MPP1: variants seen among roughly 807,000 people sequenced by gnomAD.
MPP1 encodes 55 kDa erythrocyte membrane protein.
A neutral mutation model predicts 38.2 loss-of-function variants in MPP1; 6 were observed. The observed-to-expected ratio is 0.16, with a 90% CI of 0.09 to 0.31. The LOEUF (loss-of-function observed/expected upper bound fraction) is 0.31. MPP1 is among the 10% of genes least tolerant of loss of function. The pLI is 1.00. For synonymous variants in MPP1, 153 were observed against 146.3 expected (o/e 1.05, Z -0.33); for missense variants, 293 against 368.9 (o/e 0.79, Z 1.69).
intron 1 of MPP1, among the ~76,000 whole-genome samples, chrX:154,798,810 C>T (rs2072228858): frequency 9.0e-6 from 1 of 111,593 alleles, no homozygotes; most frequent in Non-Finnish European, 1.9e-5. Context: ...TCTCGGCTCA[C>T]CACAACTTCC....
At chrX:154,802,223 G>A (rs782316409) in intron 1 of MPP1, among the ~76,000 whole-genome samples, 5 of 112,467 alleles carry the variant, frequency 4.4e-5, no homozygotes, top group African/African-American at 1.6e-4. Context: ...GCTCCACAGC[G>A]CTCCACAGCT....
chrX:154,803,866 T>C (rs868967286), intron 1 of MPP1, among the ~76,000 whole-genome samples: 2 of 112,499 alleles, frequency 1.8e-5, no homozygotes, highest in Non-Finnish European at 1.9e-5. Flanking sequence ...TTTTTAAAAA[T>C]AGTTGAGGCT....
chrX:154,803,825 A>T (rs1253313234), intron 1 of MPP1, among the ~76,000 whole-genome samples: 1 of 112,571 alleles, frequency 8.9e-6, no homozygotes, highest in East Asian at 2.8e-4. Flanking sequence ...TGCTAAGTGT[A>T]CCTCAATAAG....
chrX:154,801,787 C>CAAAAAAAAAAAAAAAAAAAAAAAAA (rs782548268), intron 1 of MPP1, among the ~76,000 whole-genome samples: 1 of 67,074 alleles, frequency 1.5e-5, no homozygotes, highest in Non-Finnish European at 2.6e-5. Context: ...AAAAAAAAAA[C>CAAAAAAAAAAAAAAAAAAAAAAAAA]AAAAAACAGA....
intron 1 of MPP1, among the ~76,000 whole-genome samples, chrX:154,802,899 T>C (rs2072282514): frequency 1.8e-5 from 2 of 112,487 alleles, no homozygotes; most frequent in Non-Finnish European, 1.9e-5. Context: ...ATAATTTCTA[T>C]TGAAGCCAAC....
At chrX:154,789,274 A>G (rs1557267497) in intron 5 of MPP1, among the ~76,000 whole-genome samples, 1 of 112,103 alleles carries the variant, frequency 8.9e-6, no homozygotes, top group Non-Finnish European at 1.9e-5. Context: ...GGCCCTGTCC[A>G]ATCTATTCCT....
At chrX:154,799,408 C>G (rs1309858312) in intron 1 of MPP1, among the ~76,000 whole-genome samples, 1 of 112,181 alleles carries the variant, frequency 8.9e-6, no homozygotes, top group African/African-American at 3.2e-5. Context: ...GGAGGGTCAG[C>G]TCTCTGTGAC....
At chrX:154,800,930 T>C (rs1241265532) in intron 1 of MPP1, among the ~76,000 whole-genome samples, 1 of 112,619 alleles carries the variant, frequency 8.9e-6, no homozygotes, top group Admixed American at 9.3e-5. Context: ...GTTTTGTTCA[T>C]GTATATTTCT....
At chrX:154,801,005 G>A (rs139322603) in intron 1 of MPP1, among the ~76,000 whole-genome samples, 2,627 of 112,241 alleles carry the variant, frequency 0.023, 85 homozygotes, top group African/African-American at 0.081. Context: ...CTCCTCTGGC[G>A]TCACTTCCCC....
intron 1 of MPP1, among the ~76,000 whole-genome samples, chrX:154,795,491 T>A (rs1169874176): frequency 4.5e-5 from 5 of 111,149 alleles, no homozygotes; most frequent in African/African-American, 6.6e-5. Flanking sequence ...CTGGCCAGGT[T>A]CAGTGGCTCA....
intron 2 of MPP1, 140 bp downstream of exon 2, chrX:154,792,002 A>C: frequency 9.9e-7 from 1 of 1,009,858 alleles, no homozygotes; most frequent in Non-Finnish European, 1.4e-6. Context: ...TTGAGGAGGA[A>C]TTTGAGATAA....
chrX:154,792,717 CCTT>C (rs1162837552), intron 1 of MPP1, among the ~76,000 whole-genome samples: 1 of 110,161 alleles, frequency 9.1e-6, no homozygotes, highest in Non-Finnish European at 1.9e-5. Flanking sequence ...GTTCTCTTCT[CCTT>C]TGTATTTCCT....
intron 1 of MPP1, among the ~76,000 whole-genome samples, chrX:154,804,373 C>T (rs1272175360): frequency 8.9e-6 from 1 of 111,915 alleles, no homozygotes; most frequent in Non-Finnish European, 1.9e-5. Flanking sequence ...CCTAGAAGAC[C>T]TTGCAGTCTA....
intron 1 of MPP1, among the ~76,000 whole-genome samples, chrX:154,800,075 C>T (rs1396241710): frequency 8.9e-6 from 1 of 112,136 alleles, no homozygotes; most frequent in Non-Finnish European, 1.9e-5. Flanking sequence ...ACTGCTCCCA[C>T]GTGGAGACTT....
rs782034340 is a variant in MPP1, at chrX:154,786,238, C to T, written c.643G>A (p.Ala215Thr). The change falls in exon 6 of 12, where the codon GCA (alanine) becomes ACA (threonine). Residue 215 changes from alanine (A) to threonine (T), a missense_variant. Transcript: ENST00000369534. ...GRVEGSSKES[A>T]GLIPSPELQE... ...AGCTCAGGGGAAGGGATCAATCCTG[C>T]TGACTCCTTGGAGGAGCCTTCCACC... 8.3e-7 allele frequency: 1 copy of T among 1,211,762 alleles called. No individual in the cohort carries two copies. Among genetic ancestry groups the T allele is most frequent in the South Asian group, 1.8e-5 (1 of 56,961 alleles).
At chrX:154,805,141 C>G (rs2072306421) in intron 1 of MPP1, 131 bp downstream of exon 1, 11 of 628,697 alleles carry the variant, frequency 1.7e-5, no homozygotes, top group Non-Finnish European at 2.7e-5. Context: ...CGCCGGCTAT[C>G]GCGGTCTCCG....
chrX:154,787,336 CA>C (rs1213528242), intron 5 of MPP1, among the ~76,000 whole-genome samples: 1 of 111,631 alleles, frequency 9.0e-6, no homozygotes, highest in Non-Finnish European at 1.9e-5. Context: ...AAAATATCAG[CA>C]AGTCAAATTT....
At chrX:154,791,719 TA>T in intron 3 of MPP1, 49 bp downstream of exon 3, 1 of 1,083,628 alleles carries the variant, frequency 9.2e-7, no homozygotes, top group South Asian at 1.9e-5. Context: ...GAACAGGGAG[TA>T]AATTATTAAT....
intron 4 of MPP1, among the ~76,000 whole-genome samples, chrX:154,790,424 G>C (rs782263158): frequency 1.1e-4 from 12 of 108,791 alleles, no homozygotes; most frequent in Non-Finnish European, 2.3e-4. Context: ...CCAGCTACTT[G>C]GGAGGTTGAG....
Sources: allele counts gnomAD v4.1 joint callset (sites outside exome capture counted in the v4.1 genomes callset), GRCh38; gene constraint gnomAD v4.1.1; transcripts MANE v1.5; gene names NCBI Gene and HGNC (gene_info 2026-07-23, HGNC 2026-07-21).